The following FBXW11 variants were observed in gnomAD, a reference collection of about 807,000 sequenced individuals.
FBXW11 encodes F-box and WD repeat domain containing 11.
FBXW11 carries 19 observed loss-of-function variants against 77.6 expected under a neutral mutation model. That is an observed-to-expected ratio of 0.24 (90% CI 0.17 to 0.36). The LOEUF (loss-of-function observed/expected upper bound fraction) is 0.36, where lower values mean the gene tolerates loss of function less well. Ranked by LOEUF, FBXW11 falls within the 10% of genes least tolerant of loss-of-function variation. FBXW11 has a pLI of 1.00. For synonymous variants in FBXW11, 235 were observed against 249.4 expected, an observed-to-expected ratio of 0.94 and a Z score of 0.54; for missense variants, 334 against 704.2, an observed-to-expected ratio of 0.47 and a Z score of 5.95.
chr5:171,899,748 G>A (rs911275770), intron 5 of FBXW11, among the ~76,000 whole-genome samples, 166 bp downstream of exon 5: 4 of 152,152 alleles, frequency 2.6e-5, no homozygotes, highest in African/African-American at 9.7e-5. Flanking sequence ...TTCAGAGGGA[G>A]AAATTTTAAC....
chr5:171,915,056 C>T lies in FBXW11; in HGVS notation c.148-651G>A, dbSNP rs569583545. On this transcript the variant is annotated intron_variant, in intron 2 of 13. Coordinates refer to ENST00000517395, the MANE Select transcript of FBXW11 (RefSeq NM_001378974.1). ...TGTGTAATTATTCTTTCTGGTGATCCAGTCGCTCAATAGATGCCCATTAAC... is the reference window on the plus strand; with the variant it reads ...TGTGTAATTATTCTTTCTGGTGATCTAGTCGCTCAATAGATGCCCATTAAC... Among the ~76,000 whole-genome samples the T allele has an allele frequency of 3.3e-5, 5 of 152,332 alleles. No individual in the cohort carries two copies. The South Asian group carries it at 1.0e-3, about 32-fold the overall frequency.
chr5:171,901,775 C>G (rs1006304165), intron 4 of FBXW11, among the ~76,000 whole-genome samples: 4 of 152,178 alleles, frequency 2.6e-5, no homozygotes, highest in South Asian at 4.1e-4. Context: ...AGGTGGGGGG[C>G]AGCTTTGTGC....
intron 10 of FBXW11, 152 bp downstream of exon 10, chr5:171,872,720 C>G (rs764911710): frequency 3.2e-6 from 2 of 626,866 alleles, no homozygotes; most frequent in Non-Finnish European, 5.8e-6. Flanking sequence ...CTTGAGTATA[C>G]AGAGCCCAAA....
At chr5:171,951,493 T>C (rs1410029952) in intron 2 of FBXW11, among the ~76,000 whole-genome samples, 1 of 151,594 alleles carries the variant, frequency 6.6e-6, no homozygotes, top group Non-Finnish European at 1.5e-5. Flanking sequence ...GCCATGATCC[T>C]ACCACTGCAC....
chr5:171,889,563 T>C (rs1409586342), intron 7 of FBXW11, among the ~76,000 whole-genome samples: 8 of 147,980 alleles, frequency 5.4e-5, no homozygotes, highest in African/African-American at 2.0e-4. Context: ...AATCTTTTGC[T>C]CCATTAAAGA....
Position 171,878,592 on chromosome 5 carries a change from A to AAGAGAG in FBXW11, c.853-469_853-464dup, listed in dbSNP as rs796288258. ...TGTGTGTGTGTGTGTGTGTGTGTGT[A>AAGAGAG]AGAGAGAGAGAGTGTGTGTGTGTGT... On this transcript the variant is annotated intron_variant, in intron 7 of 13. Transcript: ENST00000517395. Among the ~76,000 whole-genome samples the AAGAGAG allele has an allele frequency of 1.5e-3, 199 of 133,014 alleles. 2 individuals are homozygous for AAGAGAG. The highest frequency in any genetic ancestry group is 6.3e-3 in the African/African-American group (196 of 31,048). The allele number at this position is 133,014 out of a possible 152,430, so 87.3% of individuals were successfully genotyped here. A position where few individuals can be genotyped will look rare whatever the true frequency, so the allele number is the denominator to read the frequency against.
chr5:171,893,373 T>G (rs2113851912), intron 6 of FBXW11, among the ~76,000 whole-genome samples: 1 of 127,652 alleles, frequency 7.8e-6, no homozygotes, highest in African/African-American at 2.9e-5. Flanking sequence ...GGTCATCATC[T>G]CTAGTGACTT....
intron 1 of FBXW11, among the ~76,000 whole-genome samples, chr5:171,995,529 G>A (rs1343970493): frequency 2.6e-5 from 4 of 152,052 alleles, no homozygotes; most frequent in Non-Finnish European, 5.9e-5. Context: ...TGAGGTGGGC[G>A]GATCACAAGG....
At chr5:171,883,259 T>G (rs544260244) in intron 7 of FBXW11, among the ~76,000 whole-genome samples, 1 of 152,230 alleles carries the variant, frequency 6.6e-6, no homozygotes, top group Non-Finnish European at 1.5e-5. Flanking sequence ...CATGTGCAAG[T>G]GTCTTTTTTA....
At chr5:171,966,841 G>C (rs915551790) in intron 1 of FBXW11, among the ~76,000 whole-genome samples, 1 of 152,090 alleles carries the variant, frequency 6.6e-6, no homozygotes, top group African/African-American at 2.4e-5. Flanking sequence ...AATTGGGAGG[G>C]GGTACAAAGT....
intron 2 of FBXW11, among the ~76,000 whole-genome samples, chr5:171,947,301 C>CTATAT: frequency 6.6e-6 from 1 of 152,238 alleles, no homozygotes; most frequent in African/African-American, 2.4e-5. Flanking sequence ...TTGTGTTTTC[C>CTATAT]TATATTTCCC....
intron 2 of FBXW11, among the ~76,000 whole-genome samples, chr5:171,946,758 C>G (rs911693828): frequency 3.3e-5 from 5 of 152,030 alleles, no homozygotes; most frequent in Non-Finnish European, 5.9e-5. Flanking sequence ...TCTATTCCCC[C>G]CTTTTCTCCA....
At chr5:171,871,156 CAAG>C (rs1757730037) in intron 10 of FBXW11, among the ~76,000 whole-genome samples, 1 of 152,156 alleles carries the variant, frequency 6.6e-6, no homozygotes. Context: ...AATCAACAAA[CAAG>C]AAACTTCAAT....
chr5:171,899,307 G>A (rs960184994), intron 5 of FBXW11, among the ~76,000 whole-genome samples: 13 of 152,142 alleles, frequency 8.5e-5, no homozygotes, highest in Non-Finnish European at 1.0e-4. Flanking sequence ...TGTTTTCTGA[G>A]TACTAATATG....
intron 7 of FBXW11, among the ~76,000 whole-genome samples, chr5:171,883,096 C>T (rs1001388699): frequency 4.9e-4 from 74 of 152,186 alleles, no homozygotes; most frequent in African/African-American, 1.7e-3. Flanking sequence ...TCATCCAAGT[C>T]ACCGCAAATG....
In FBXW11 at chr5:172,006,562, G is replaced by A. The variant is rs1415750137; in HGVS notation, c.-60C>T. On this transcript the variant is annotated 5_prime_UTR_variant, in exon 1 of 14. Transcript: ENST00000517395. ...GCAGCAGCGAACGGCCCGGGCGGAG[G>A]AGGCGACGGCGGAGGCGGCAGAGGC... The A allele has an allele frequency of 1.7e-5, 24 of 1,451,460 alleles. No individual in the cohort carries two copies. The highest frequency in any genetic ancestry group is 1.8e-5 in the Non-Finnish European group (20 of 1,098,878). 89.9% of individuals were successfully genotyped at this position (1,451,460 alleles called of 1,614,324 possible).
chr5:171,917,576 C>T (rs1761334239), intron 2 of FBXW11, among the ~76,000 whole-genome samples: 1 of 152,178 alleles, frequency 6.6e-6, no homozygotes, highest in Non-Finnish European at 1.5e-5. Context: ...ATCCTACATA[C>T]TTTTCCACTT....
In FBXW11 at chr5:172,006,464, C is replaced by T. The variant is rs777421383; in HGVS notation, c.39G>A (p.Glu13=). The change falls in exon 1 of 14, where the codon GAG becomes GAA. Residue 13 remains glutamate (E), a synonymous_variant. Coordinates refer to ENST00000517395, the MANE Select transcript of FBXW11 (RefSeq NM_001378974.1). ...TCCAGCGGGCCGCACTCACCATGAG[C>T]TCGATGGTCTTGTCCTCAATCACCG... ...PDSVIEDKTI[E]LMCSVPRSLW... 5.1e-6 allele frequency: 8 copies of T among 1,557,806 alleles called. No homozygotes were observed. The highest frequency in any genetic ancestry group is 3.8e-5 in the Admixed American group (2 of 53,238).
In FBXW11 at chr5:171,929,402, A is replaced by T. The variant is rs548681974; in HGVS notation, c.148-14997T>A. On this transcript the variant is annotated intron_variant, in intron 2 of 13. Transcript: ENST00000517395. ...ATAATAATAAACCAATCAATAATTT[A>T]AAAAATTGAAAATTCGTGAACTTGA... is the stretch of plus-strand genomic sequence containing the variant. 5.9e-5 allele frequency among the ~76,000 whole-genome samples: 9 copies of T among 152,266 alleles called. No homozygotes were observed. In the East Asian group the frequency reaches 1.5e-3, roughly 26 times the overall value.
Sources: gnomAD v4.1 joint callset for allele counts (sites outside exome capture counted in the v4.1 genomes callset) on GRCh38, gnomAD v4.1.1 for gene constraint, MANE v1.5 for transcripts, NCBI Gene and HGNC (gene_info 2026-07-23, HGNC 2026-07-21) for gene names.